GRIK2: variants seen among roughly 807,000 people sequenced by gnomAD.
The protein encoded by GRIK2 is glutamate ionotropic receptor kainate type subunit 2.
A neutral mutation model predicts 100.3 loss-of-function variants in GRIK2; 32 were observed. The observed-to-expected ratio is 0.32, with a 90% CI of 0.24 to 0.43. The LOEUF (loss-of-function observed/expected upper bound fraction) is 0.43. Ranked by LOEUF, GRIK2 falls within the 20% of genes least tolerant of loss-of-function variation. The pLI, the probability that GRIK2 is intolerant of heterozygous loss-of-function variation, is 1.00. For missense variants in GRIK2, 843 were observed against 1,114.9 expected, an observed-to-expected ratio of 0.76 and a Z score of 3.47; for synonymous variants, 417 against 389.4, an observed-to-expected ratio of 1.07 and a Z score of -0.83.
At chr6:101,656,525 A>G (rs1769192364) in intron 4 of GRIK2, among the ~76,000 whole-genome samples, 1 of 152,182 alleles carries the variant, frequency 6.6e-6, no homozygotes, top group Non-Finnish European at 1.5e-5. Context: ...GGTAGATAAT[A>G]TTCAACCTTT....
chr6:102,044,313 T>TA (rs1554196652), intron 15 of GRIK2, among the ~76,000 whole-genome samples: 1 of 152,008 alleles, frequency 6.6e-6, no homozygotes, highest in Non-Finnish European at 1.5e-5. Context: ...TCAGATAAAA[T>TA]ACTAACTCCT....
intron 7 of GRIK2, among the ~76,000 whole-genome samples, chr6:101,706,950 T>C (rs1773347733): frequency 6.6e-6 from 1 of 151,876 alleles, no homozygotes; most frequent in Non-Finnish European, 1.5e-5. Flanking sequence ...ATTTTGGGCC[T>C]TTCAGTGAAG....
intron 2 of GRIK2, among the ~76,000 whole-genome samples, chr6:101,613,923 C>T (rs1779788622): frequency 6.6e-6 from 1 of 151,512 alleles, no homozygotes; most frequent in Non-Finnish European, 1.5e-5. Flanking sequence ...TTAAATGTAT[C>T]TCAATAAAAA....
chr6:102,062,639 A>T (rs1771811901), intron 16 of GRIK2, among the ~76,000 whole-genome samples: 1 of 150,524 alleles, frequency 6.6e-6, no homozygotes, highest in South Asian at 2.1e-4. Context: ...GGTTGTATAT[A>T]TTTTTTTAAC....
chr6:101,828,095 A>T (rs773818273), intron 10 of GRIK2, among the ~76,000 whole-genome samples: 22 of 152,018 alleles, frequency 1.4e-4, no homozygotes, highest in Non-Finnish European at 2.9e-4. Context: ...AGAGCACAGT[A>T]GAATAAAAAT....
At chr6:101,560,547 C>T (rs1776954642) in intron 2 of GRIK2, among the ~76,000 whole-genome samples, 1 of 151,912 alleles carries the variant, frequency 6.6e-6, no homozygotes. Flanking sequence ...TTTGGAAGCA[C>T]ATTGTAGATA....
intron 2 of GRIK2, among the ~76,000 whole-genome samples, chr6:101,408,077 A>G (rs984642182): frequency 1.3e-5 from 2 of 152,154 alleles, no homozygotes; most frequent in Non-Finnish European, 2.9e-5. Flanking sequence ...TCAGAGCTTT[A>G]ATATTTAGGT....
At chr6:101,934,017 T>C (rs977084508) in intron 14 of GRIK2, among the ~76,000 whole-genome samples, 11 of 151,854 alleles carry the variant, frequency 7.2e-5, no homozygotes, top group Non-Finnish European at 1.5e-5. Flanking sequence ...TCTTTTTTTT[T>C]CCTTTAACTT....
Position 101,521,707 on chromosome 6 carries a change from T to C in GRIK2, c.116-100242T>C, listed in dbSNP as rs183543144. On this transcript the variant is annotated intron_variant, in intron 2 of 16. Coordinates refer to ENST00000369134, the MANE Select transcript of GRIK2 (RefSeq NM_021956.5). ...TGCAGAGGATAATTGTTGTCTAGTT[T>C]TCTTAATAGTAAATTAGATTTATTT... is the stretch of plus-strand genomic sequence containing the variant. Among the ~76,000 whole-genome samples, 289 of 152,104 alleles carry C rather than the reference T, an allele frequency of 1.9e-3. 2 individuals are homozygous for C. The highest frequency in any genetic ancestry group is 6.9e-3 in the African/African-American group (285 of 41,582).
intron 2 of GRIK2, among the ~76,000 whole-genome samples, chr6:101,503,709 T>A (rs1773884399): frequency 6.6e-6 from 1 of 152,186 alleles, no homozygotes; most frequent in Non-Finnish European, 1.5e-5. Context: ...TTCTGTCTTC[T>A]CTTTCTATGG....
chr6:101,838,751 C>A (rs2249425), intron 10 of GRIK2, among the ~76,000 whole-genome samples: 43,299 of 151,038 alleles, frequency 0.29, 9,011 homozygotes, highest in East Asian at 0.68. Context: ...TCCTGGGTTC[C>A]AGCAATTCTC....
At chr6:101,750,329 A>G (rs1238987826) in intron 7 of GRIK2, among the ~76,000 whole-genome samples, 2 of 152,236 alleles carry the variant, frequency 1.3e-5, no homozygotes, top group African/African-American at 4.8e-5. Flanking sequence ...TGTAATCACA[A>G]TAAATACTGC....
intron 8 of GRIK2, among the ~76,000 whole-genome samples, chr6:101,801,700 C>T (rs941576491): frequency 7.9e-5 from 12 of 151,814 alleles, no homozygotes; most frequent in African/African-American, 2.9e-4. Flanking sequence ...AAACTTTTTA[C>T]GTTAAAAAAG....
intron 2 of GRIK2, among the ~76,000 whole-genome samples, chr6:101,565,913 T>TA (rs1777232837): frequency 1.1e-5 from 1 of 93,966 alleles, no homozygotes; most frequent in East Asian, 2.6e-4. Flanking sequence ...TATATACCTA[T>TA]TTTATATATA....
chr6:101,442,446 G>C (rs1052450189), intron 2 of GRIK2, among the ~76,000 whole-genome samples: 8 of 152,242 alleles, frequency 5.3e-5, no homozygotes, highest in Middle Eastern at 3.4e-3. Flanking sequence ...TGCGCCGGCT[G>C]GTTGGAGATT....
chr6:101,556,896 A>C (rs1330852750), intron 2 of GRIK2, among the ~76,000 whole-genome samples: 1 of 152,170 alleles, frequency 6.6e-6, no homozygotes, highest in African/African-American at 2.4e-5. Context: ...TAATTTGGTG[A>C]ATTTGTGGTA....
At chr6:101,919,482 G>A (rs1562487253) in intron 12 of GRIK2, among the ~76,000 whole-genome samples, 2 of 151,784 alleles carry the variant, frequency 1.3e-5, no homozygotes, top group Non-Finnish European at 3.0e-5. Flanking sequence ...TATGGGGGAA[G>A]TTATTTGGTT....
intron 7 of GRIK2, among the ~76,000 whole-genome samples, chr6:101,753,248 A>T (rs1027271447): frequency 6.8e-6 from 1 of 146,700 alleles, no homozygotes; most frequent in Non-Finnish European, 1.5e-5. Flanking sequence ...TTGCCACTGC[A>T]CTCCAGCCTG....
chr6:101,560,035 C>A (rs1332161326), intron 2 of GRIK2, among the ~76,000 whole-genome samples: 1 of 151,924 alleles, frequency 6.6e-6, no homozygotes, highest in Non-Finnish European at 1.5e-5. Context: ...AGCTTCATAG[C>A]AGAGGAATAG....
Sources: allele counts gnomAD v4.1 joint callset (sites outside exome capture counted in the v4.1 genomes callset), GRCh38; gene constraint gnomAD v4.1.1; transcripts MANE v1.5; gene names NCBI Gene and HGNC (gene_info 2026-07-23, HGNC 2026-07-21).